Variants in ARHGAP25 observed in about 807,000 individuals in gnomAD.
ARHGAP25 encodes Rho GTPase activating protein 25, also known as rho GTPase-activating protein 25.
ARHGAP25 carries 34 observed loss-of-function variants against 71.0 expected under a neutral mutation model. The observed-to-expected ratio is 0.48, with a 90% CI of 0.36 to 0.64. ARHGAP25 has a LOEUF of 0.64. Ranked by LOEUF, ARHGAP25 falls within the 30% of genes least tolerant of loss-of-function variation. The pLI, the probability that ARHGAP25 is intolerant of heterozygous loss-of-function variation, is 0.00. For missense variants in ARHGAP25, 706 were observed against 805.1 expected (o/e 0.88, Z 1.49); for synonymous variants, 282 against 296.5 (o/e 0.95, Z 0.50).
chr2:68,759,684 T>C (rs1676686815), intron 1 of ARHGAP25, among the ~76,000 whole-genome samples: 1 of 151,986 alleles, frequency 6.6e-6, no homozygotes, highest in Non-Finnish European at 1.5e-5. Flanking sequence ...TACCAGTCGC[T>C]TTGAAACTTC....
chr2:68,738,752 C>T (rs1048463167), intron 1 of ARHGAP25, among the ~76,000 whole-genome samples: 7 of 149,024 alleles, frequency 4.7e-5, no homozygotes, highest in African/African-American at 1.5e-4. Flanking sequence ...ATCCGGGAGG[C>T]GGAGGTTGTA....
intron 1 of ARHGAP25, among the ~76,000 whole-genome samples, chr2:68,766,714 T>TTCTCTCTC (rs140846028): frequency 0.017 from 2,541 of 148,418 alleles, 71 homozygotes; most frequent in African/African-American, 0.06. Flanking sequence ...CTCTCTCCCC[T>TTCTCTCTC]TCTCTCTCTC....
At chr2:68,731,012 G>C (rs142483475), upstream of ARHGAP25, among the ~76,000 whole-genome samples, 22 of 152,076 alleles carry the variant, frequency 1.4e-4, no homozygotes, top group Non-Finnish European at 2.6e-4. Flanking sequence ...TCTCTCTCAT[G>C]ACTCATTGGA....
intron 1 of ARHGAP25, among the ~76,000 whole-genome samples, chr2:68,753,613 T>C (rs1399982566): frequency 6.6e-6 from 1 of 152,194 alleles, no homozygotes; most frequent in Non-Finnish European, 1.5e-5. Context: ...GGGTGCTATC[T>C]GTCCACTCTG....
chr2:68,719,428 CA>C (rs201534754), intron 2 of ARHGAP25, among the ~76,000 whole-genome samples: 1,057 of 74,804 alleles, frequency 0.014, 7 homozygotes, highest in African/African-American at 0.051. Flanking sequence ...GTCGACATGG[CA>C]AAAAAAAAAA....
At position 68,735,143 on chromosome 2, in the gene ARHGAP25, G is replaced by A. The variant is rs1379731510; in HGVS notation, c.-57G>A. 2.8e-6 allele frequency: 4 copies of A among 1,419,230 alleles called. No individual in the cohort carries two copies. Among genetic ancestry groups the A allele is most frequent in the African/African-American group, 2.8e-5 (2 of 70,696 alleles). 87.9% of individuals were successfully genotyped at this position (1,419,230 alleles called of 1,614,324 possible). ...GGGAAAGAGTGAAAAGACAAGAAGG[G>A]CGCAAACTGTGACAGACTCACCGCT... On this transcript the variant is annotated 5_prime_UTR_variant, in exon 1 of 11. Coordinates refer to ENST00000409202, the MANE Select transcript of ARHGAP25 (RefSeq NM_001007231.3).
chr2:68,761,539 A>G (rs1379153139), intron 1 of ARHGAP25, among the ~76,000 whole-genome samples: 2 of 152,140 alleles, frequency 1.3e-5, no homozygotes, highest in East Asian at 3.8e-4. Flanking sequence ...CTACAAAAAA[A>G]AACCCCACAA....
Position 68,769,082 on chromosome 2 carries a change from GTCC to G in ARHGAP25, c.62-6136_62-6134del, listed in dbSNP as rs1452229378. Among the ~76,000 whole-genome samples the G allele has an allele frequency of 2.0e-5, 3 of 152,236 alleles. No homozygotes were observed. The East Asian group carries it at 5.8e-4, about 29-fold the overall frequency. Reference sequence around the variant, plus strand: ...TCCTCCTTGTTCAGCAGGGGGCTGAGTCCTCTCAGTATTAGCCTCTCATATTGT... The same window carrying G: ...TCCTCCTTGTTCAGCAGGGGGCTGAGTCTCAGTATTAGCCTCTCATATTGT... On this transcript the variant is annotated intron_variant, in intron 1 of 10. Coordinates refer to ENST00000409202, the MANE Select transcript of ARHGAP25 (RefSeq NM_001007231.3).
chr2:68,805,935 G>T (rs1435286654), intron 4 of ARHGAP25, among the ~76,000 whole-genome samples: 1 of 152,204 alleles, frequency 6.6e-6, no homozygotes, highest in Non-Finnish European at 1.5e-5. Flanking sequence ...AACCTCCAGG[G>T]TATGGAAGCC....
At chr2:68,781,520 A>G (rs1274841085) in intron 2 of ARHGAP25, among the ~76,000 whole-genome samples, 1 of 152,014 alleles carries the variant, frequency 6.6e-6, no homozygotes, top group Non-Finnish European at 1.5e-5. Context: ...ATCCTACTAA[A>G]CCCTCAGACC....
chr2:68,794,254 A>G (rs184771078), intron 4 of ARHGAP25, among the ~76,000 whole-genome samples: 1 of 151,992 alleles, frequency 6.6e-6, no homozygotes. Flanking sequence ...TTTGGATACC[A>G]CTTATTCCTT....
At chr2:68,769,980 G>A (rs569283505) in intron 1 of ARHGAP25, among the ~76,000 whole-genome samples, 6 of 152,190 alleles carry the variant, frequency 3.9e-5, no homozygotes, top group Non-Finnish European at 7.3e-5. Context: ...AGGCTTTTAG[G>A]CAGGAAGGTA....
chr2:68,766,413 G>A (rs1056620798), intron 1 of ARHGAP25, among the ~76,000 whole-genome samples: 7 of 152,168 alleles, frequency 4.6e-5, no homozygotes, highest in East Asian at 3.9e-4. Context: ...GTGTTCTTCC[G>A]CAAGCTTCTT....
In ARHGAP25 at chr2:68,820,849, G is replaced by C. The variant is rs114010960; in HGVS notation, c.1201-1491G>C. Among the ~76,000 whole-genome samples the C allele has an allele frequency of 3.8e-3, 567 of 150,302 alleles. 3 individuals are homozygous for C. The highest frequency in any genetic ancestry group is 0.013 in the African/African-American group (536 of 40,842). ...TACCTCCTTTTTTACACAAAATGTA[G>C]TATAATTCTCTCTCTCTCTACAGTC... On this transcript the variant is annotated intron_variant, in intron 9 of 10. Transcript: ENST00000409202.
intron 4 of ARHGAP25, among the ~76,000 whole-genome samples, chr2:68,802,969 A>ATGTGTGTG (rs1680111109): frequency 1.3e-5 from 1 of 74,502 alleles, no homozygotes; most frequent in Non-Finnish European, 3.7e-5. Flanking sequence ...ACACACACAT[A>ATGTGTGTG]TATACACATA....
At position 68,803,027 on chromosome 2, in the gene ARHGAP25, A is replaced by C. The variant is rs572673922; in HGVS notation, c.467-4246A>C. Among the ~76,000 whole-genome samples, 38 of 152,026 alleles carry C rather than the reference A, an allele frequency of 2.5e-4. No homozygotes were observed. The Middle Eastern group carries it at 0.01, about 41-fold the overall frequency. The stretch of plus-strand genomic sequence containing the variant: ...TACATATATATATATATAGAGAGAG[A>C]GATCTGGACCAGATATGCAGATTAA... On this transcript the variant is annotated intron_variant, in intron 4 of 10. Coordinates refer to ENST00000409202, the MANE Select transcript of ARHGAP25 (RefSeq NM_001007231.3).
intron 2 of ARHGAP25, among the ~76,000 whole-genome samples, chr2:68,725,779 T>C (rs1674869052): frequency 6.6e-6 from 1 of 152,172 alleles, no homozygotes; most frequent in African/African-American, 2.4e-5. Flanking sequence ...TTCCCCTTCC[T>C]CCTTTTGCTG....
At chr2:68,825,879 G>C in intron 10 of ARHGAP25, 108 bp from the exon 11 acceptor site, 1 of 919,284 alleles carries the variant, frequency 1.1e-6, no homozygotes, top group Non-Finnish European at 1.6e-6. Flanking sequence ...GGTTGGATAA[G>C]GGTCTTGTGA....
chr2:68,822,602 C>T lies in ARHGAP25; in HGVS notation c.1463C>T (p.Ser488Phe). The T allele has an allele frequency of 6.2e-7, 1 of 1,614,156 alleles. No individual in the cohort carries two copies. Among genetic ancestry groups the T allele is most frequent in the Non-Finnish European group, 8.5e-7 (1 of 1,180,042 alleles). The change falls in exon 10 of 11, where the codon TCT becomes TTT. Residue 488 changes from serine (S) to phenylalanine (F), a missense_variant. By Grantham distance (155) the Ser-to-Phe change is radical. Coordinates refer to ENST00000409202, the MANE Select transcript of ARHGAP25 (RefSeq NM_001007231.3). ...KAGEGHRRTM[S>F]QDLRQLSDSQ... Reference sequence around the variant, plus strand: ...GGGGAAGGGCACAGGAGAACGATGTCTCAAGACTTGCGCCAACTTTCTGAC... The same window carrying T: ...GGGGAAGGGCACAGGAGAACGATGTTTCAAGACTTGCGCCAACTTTCTGAC...
Sources: allele counts gnomAD v4.1 joint callset (sites outside exome capture counted in the v4.1 genomes callset), GRCh38; gene constraint gnomAD v4.1.1; transcripts MANE v1.5; gene names NCBI Gene and HGNC (gene_info 2026-07-23, HGNC 2026-07-21).